The following ATXN1 variants were observed in gnomAD, a reference collection of about 807,000 sequenced individuals.
The protein encoded by ATXN1 is ataxin 1.
In ATXN1, 8 loss-of-function variants were observed where a neutral mutation model predicts 56.4. The observed-to-expected ratio is 0.14, with a 90% CI of 0.08 to 0.26. The LOEUF is 0.26. Among genes scored for constraint, ATXN1 ranks in the 10% least tolerant of loss-of-function variants. The pLI is 1.00. For synonymous variants in ATXN1, 514 were observed against 494.6 expected, an observed-to-expected ratio of 1.04 and a Z score of -0.52; for missense variants, 987 against 1,106.5, an observed-to-expected ratio of 0.89 and a Z score of 1.53.
At chr6:16,453,374 T>C (rs1759792583) in intron 6 of ATXN1, among the ~76,000 whole-genome samples, 1 of 152,004 alleles carries the variant, frequency 6.6e-6, no homozygotes, top group Admixed American at 6.5e-5. Context: ...GGCAGGAGAA[T>C]CGCTTGAACC....
intron 4 of ATXN1, among the ~76,000 whole-genome samples, chr6:16,580,656 T>C (rs912626007): frequency 1.3e-5 from 2 of 152,228 alleles, no homozygotes; most frequent in Non-Finnish European, 2.9e-5. Flanking sequence ...CCAGAAATCA[T>C]ATTATTTATA....
chr6:16,457,537 G>T (rs187061438), intron 6 of ATXN1, among the ~76,000 whole-genome samples: 3 of 152,182 alleles, frequency 2.0e-5, no homozygotes, highest in Admixed American at 2.0e-4. Context: ...CTGCACTACG[G>T]TCTGGCCTTA....
At chr6:16,487,520 A>G (rs1402097570) in intron 5 of ATXN1, among the ~76,000 whole-genome samples, 5 of 152,184 alleles carry the variant, frequency 3.3e-5, no homozygotes, top group Admixed American at 2.0e-4. Flanking sequence ...ATTAACCATC[A>G]CTTTCATAAT....
chr6:16,612,141 G>C (rs892570253), intron 3 of ATXN1, among the ~76,000 whole-genome samples: 1 of 151,944 alleles, frequency 6.6e-6, no homozygotes, highest in African/African-American at 2.4e-5. Context: ...TTACAGGTGT[G>C]AGCCACCGCG....
At chr6:16,418,274 G>T (rs545306358) in intron 6 of ATXN1, among the ~76,000 whole-genome samples, 1 of 152,144 alleles carries the variant, frequency 6.6e-6, no homozygotes, top group East Asian at 1.9e-4. Flanking sequence ...TGTACAATTA[G>T]TCCCTTCCTC....
chr6:16,725,657 A>T (rs915442703), intron 2 of ATXN1, among the ~76,000 whole-genome samples: 6 of 152,196 alleles, frequency 3.9e-5, no homozygotes, highest in African/African-American at 1.4e-4. Flanking sequence ...CATTGTGCAT[A>T]TTTGGCCCAG....
chr6:16,674,997 C>T (rs75929627), intron 2 of ATXN1, among the ~76,000 whole-genome samples: 3,718 of 152,256 alleles, frequency 0.024, 75 homozygotes, highest in Middle Eastern at 0.088. Flanking sequence ...GAAACATAGC[C>T]CCCATTCTTT....
chr6:16,705,421 T>C (rs951463243), intron 2 of ATXN1, among the ~76,000 whole-genome samples: 1 of 152,144 alleles, frequency 6.6e-6, no homozygotes, highest in Non-Finnish European at 1.5e-5. Context: ...ACGGAGGCCG[T>C]TCCTGAGATC....
At chr6:16,577,731 CTTCTCTAAGCTATTTCCACATGTGAT>C (rs1320855224) in intron 4 of ATXN1, among the ~76,000 whole-genome samples, 1 of 152,174 alleles carries the variant, frequency 6.6e-6, no homozygotes, top group African/African-American at 2.4e-5. Flanking sequence ...GATATGACTG[CTTCTCTAAGCTATTTCCACATGTGAT>C]TACTGTCTCT....
At chr6:16,518,612 C>G (rs1471127607) in intron 5 of ATXN1, among the ~76,000 whole-genome samples, 1 of 152,162 alleles carries the variant, frequency 6.6e-6, no homozygotes, top group African/African-American at 2.4e-5. Flanking sequence ...GAAGAGAACT[C>G]TTGTAAGATA....
intron 6 of ATXN1, among the ~76,000 whole-genome samples, chr6:16,436,392 A>G (rs1015684534): frequency 6.6e-6 from 1 of 152,250 alleles, no homozygotes; most frequent in Admixed American, 6.5e-5. Context: ...TCCTCATGGA[A>G]ATAAAAGATT....
chr6:16,606,783 C>T (rs1488627803), intron 3 of ATXN1, among the ~76,000 whole-genome samples: 2 of 151,712 alleles, frequency 1.3e-5, no homozygotes, highest in Admixed American at 6.6e-5. Flanking sequence ...CCGCCTCAGC[C>T]TCCCGAAGTG....
Position 16,326,937 on chromosome 6 carries a change from T to A in ATXN1, c.1374A>T (p.Gln458His), listed in dbSNP as rs141727898. ...CGCTCAGGTAGCCGATGACAGGGGG[T>A]TGAGTCCCTGCGTAGAAGGCCGTGG... ...LPATAFYAGT[Q>H]PPVIGYLSGQ... Residue 458 changes from glutamine to histidine, a missense_variant, in exon 7 of 8, where the codon CAA becomes CAT. Gln to His is a conservative substitution (Grantham distance 24, BLOSUM62 0). Coordinates refer to ENST00000436367, the MANE Select transcript of ATXN1 (RefSeq NM_001128164.2). This position sits in a 1 kb window ranked among gnomAD's most constrained non-coding sequence, Gnocchi z 6.6. 1 of 1,613,474 alleles carries A rather than the reference T, an allele frequency of 6.2e-7. No individual in the cohort carries two copies. Among genetic ancestry groups the A allele is most frequent in the African/African-American group, 1.3e-5 (1 of 74,794 alleles).
intron 6 of ATXN1, among the ~76,000 whole-genome samples, chr6:16,340,411 G>A (rs1404310874): frequency 6.6e-6 from 1 of 152,206 alleles, no homozygotes; most frequent in Non-Finnish European, 1.5e-5. Flanking sequence ...TCACATCATG[G>A]CTGGGAGGAG....
At chr6:16,382,256 C>T (rs1439245880) in intron 6 of ATXN1, among the ~76,000 whole-genome samples, 2 of 150,662 alleles carry the variant, frequency 1.3e-5, no homozygotes, top group East Asian at 2.0e-4. Context: ...GCTGGGATCA[C>T]ACTACTGCAC....
intron 2 of ATXN1, among the ~76,000 whole-genome samples, chr6:16,661,304 A>G (rs1758315395): frequency 6.6e-6 from 1 of 152,032 alleles, no homozygotes; most frequent in Non-Finnish European, 1.5e-5. Context: ...ATACATATAT[A>G]TTATTTTACA....
rs769365547 is a variant in ATXN1, at chr6:16,306,679, G to C, written c.2098C>G (p.Pro700Ala). Residue 700 changes from proline to alanine, a missense_variant, in exon 8 of 8, where the codon CCC (proline) becomes GCC (alanine). By Grantham distance (27) the Pro-to-Ala change is conservative. Around this residue, in one of 3 missense-constraint regions of ATXN1, gnomAD observed 196 missense variants for 196.7 expected, o/e 1.00. Transcript: ENST00000436367. This position sits in a 1 kb window ranked among gnomAD's most constrained non-coding sequence, Gnocchi z 5.2. The stretch of plus-strand genomic sequence containing the variant: ...AGCAGGACGCTGGCGGGATCCACGG[G>C]CTGGCCCTTTTTAACAGAGCCGTTC... Reference protein sequence around the residue: ...LKNGSVKKGQPVDPASVLLKH... With the variant: ...LKNGSVKKGQAVDPASVLLKH... 6.2e-7 allele frequency: 1 copy of C among 1,614,234 alleles called. No homozygotes were observed. The highest frequency in any genetic ancestry group is 8.5e-7 in the Non-Finnish European group (1 of 1,180,050).
At chr6:16,585,363 G>C (rs1003804013) in intron 4 of ATXN1, among the ~76,000 whole-genome samples, 1 of 151,892 alleles carries the variant, frequency 6.6e-6, no homozygotes, top group Non-Finnish European at 1.5e-5. Flanking sequence ...ATAACTATAC[G>C]GTAGAAAAAT....
intron 2 of ATXN1, among the ~76,000 whole-genome samples, chr6:16,712,160 A>T (rs951604372): frequency 2.0e-5 from 3 of 152,168 alleles, no homozygotes; most frequent in African/African-American, 7.2e-5. Flanking sequence ...CATTCATCAA[A>T]ACTCATTGCG....
Sources: allele counts gnomAD v4.1 joint callset (sites outside exome capture counted in the v4.1 genomes callset), GRCh38; gene constraint gnomAD v4.1.1; regional missense constraint gnomAD v4.1.1; non-coding constraint Gnocchi (gnomAD v3.1); transcripts MANE v1.5; gene names NCBI Gene and HGNC (gene_info 2026-07-23, HGNC 2026-07-21).